MCMBP: variants seen among roughly 807,000 people sequenced by gnomAD.
MCMBP encodes mini-chromosome maintenance complex-binding protein.
MCMBP carries 31 observed loss-of-function variants against 81.3 expected under a neutral mutation model. That is an observed-to-expected ratio of 0.38 (90% confidence interval 0.29 to 0.51). The LOEUF (loss-of-function observed/expected upper bound fraction) is 0.51. MCMBP is among the 20% of genes least tolerant of loss of function. MCMBP has a pLI of 0.87. For synonymous variants in MCMBP, 267 were observed against 275.9 expected (o/e 0.97, Z 0.32); for missense variants, 645 against 772.1 (o/e 0.84, Z 1.95).
rs370370772 is a variant in MCMBP, at chr10:119,847,483, G to C, written c.827+130C>G. 1.8e-5 allele frequency: 9 copies of C among 510,710 alleles called. No individual in the cohort carries two copies. In the South Asian group the frequency reaches 3.0e-4, roughly 17 times the overall value. 31.6% of individuals were successfully genotyped at this position (510,710 alleles called of 1,614,324 possible). On this transcript the variant is annotated intron_variant, in intron 8 of 15. Coordinates refer to ENST00000369077, the MANE Select transcript of MCMBP (RefSeq NM_001256378.2). ...AAATGAATGACAAAACACATGGGGT[G>C]CAAGTGTTTACAACTGGTACATCTG...
intron 14 of MCMBP, among the ~76,000 whole-genome samples, chr10:119,833,053 TGTTGAACTGAGG>T: frequency 6.6e-6 from 1 of 152,230 alleles, no homozygotes; most frequent in East Asian, 1.9e-4. Flanking sequence ...CATGGCTAAG[TGTTGAACTGAGG>T]GCTTGCCCCA....
At chr10:119,859,275 TACACACACACACACAC>T (rs34034506) in intron 2 of MCMBP, 94 bp from the exon 3 acceptor site, 16 of 615,830 alleles carry the variant, frequency 2.6e-5, no homozygotes, top group South Asian at 1.3e-4. Context: ...CTCAAACTGT[TACACACACACACACAC>T]ACACACACAC....
chr10:119,853,449 G>A (rs1415406040), intron 5 of MCMBP, among the ~76,000 whole-genome samples: 2 of 152,158 alleles, frequency 1.3e-5, no homozygotes, highest in Non-Finnish European at 2.9e-5. Flanking sequence ...TGGACAACAG[G>A]GAGCATAAGG....
At chr10:119,847,915 T>C (rs2420645) in intron 7 of MCMBP, among the ~76,000 whole-genome samples, 44 of 152,010 alleles carry the variant, frequency 2.9e-4, no homozygotes, top group African/African-American at 1.1e-3. Context: ...ACAGGATGCC[T>C]AACTTCCAGA....
At chr10:119,852,637 C>T (rs1852874573) in intron 6 of MCMBP, among the ~76,000 whole-genome samples, 1 of 152,204 alleles carries the variant, frequency 6.6e-6, no homozygotes, top group Non-Finnish European at 1.5e-5. Context: ...ATGATTATGC[C>T]ACTGCACTCT....
intron 8 of MCMBP, among the ~76,000 whole-genome samples, chr10:119,844,271 G>C (rs896676102): frequency 2.6e-5 from 4 of 152,196 alleles, no homozygotes; most frequent in Non-Finnish European, 5.9e-5. Flanking sequence ...TAAATCTGCA[G>C]ATGATAGATT....
At chr10:119,871,343 A>ATT (rs1158096426) in intron 1 of MCMBP, among the ~76,000 whole-genome samples, 2 of 145,492 alleles carry the variant, frequency 1.4e-5, no homozygotes, top group African/African-American at 5.0e-5. Context: ...TATATAGTGA[A>ATT]TTTTTTTTTT....
intron 7 of MCMBP, among the ~76,000 whole-genome samples, chr10:119,848,299 T>C (rs1046746619): frequency 3.3e-5 from 5 of 152,104 alleles, no homozygotes; most frequent in African/African-American, 9.7e-5. Context: ...GCCATATGAC[T>C]TAAGTGTCAT....
rs1284100421 is a variant in MCMBP at position 119,850,874 on chromosome 10, G to GTTTTTTTTTTTTTTTTTTTTTTT, written c.575-1299_575-1298insAAAAAAAAAAAAAAAAAAAAAAA. 1.3e-4 allele frequency among the ~76,000 whole-genome samples: 17 copies of GTTTTTTTTTTTTTTTTTTTTTTT among 130,546 alleles called. 1 individual carries two copies. Among genetic ancestry groups the GTTTTTTTTTTTTTTTTTTTTTTT allele is most frequent in the Non-Finnish European group, 2.3e-4 (14 of 60,730 alleles). 85.6% of individuals were successfully genotyped at this position (130,546 alleles called of 152,430 possible). ...AGAGGCTAAAAGGTATACAAGATCT[G>GTTTTTTTTTTTTTTTTTTTTTTT]TTTTTTTTTTTTTTTTTTGAGACAG... On this transcript the variant is annotated intron_variant, in intron 6 of 15. Transcript: ENST00000369077.
At chr10:119,870,359 A>C (rs1433102552) in intron 1 of MCMBP, among the ~76,000 whole-genome samples, 1 of 152,122 alleles carries the variant, frequency 6.6e-6, no homozygotes, top group Non-Finnish European at 1.5e-5. Flanking sequence ...GGGCAGGAGA[A>C]TCGCTTCAAC....
At chr10:119,858,808 A>T in intron 4 of MCMBP, 76 bp downstream of exon 4, 1 of 1,047,346 alleles carries the variant, frequency 9.5e-7, no homozygotes, top group Non-Finnish European at 1.4e-6. Flanking sequence ...AAATAAATTT[A>T]AGATTAGCTA....
At chr10:119,836,701 G>T (rs1852253657) in intron 13 of MCMBP, among the ~76,000 whole-genome samples, 195 bp downstream of exon 13, 1 of 148,098 alleles carries the variant, frequency 6.8e-6, no homozygotes, top group East Asian at 2.0e-4. Flanking sequence ...GTAGATGTAA[G>T]GTTTTCATCC....
intron 4 of MCMBP, chr10:119,858,020 GTTTTTC>G (rs1266270334): frequency 6.6e-6 from 1 of 152,220 alleles, no homozygotes; most frequent in Non-Finnish European, 1.5e-5. Flanking sequence ...CTTCAGGTCT[GTTTTTC>G]TTTTAGAGTG....
intron 2 of MCMBP, among the ~76,000 whole-genome samples, 193 bp downstream of exon 2, chr10:119,859,606 G>A (rs1178041790): frequency 2.6e-5 from 4 of 151,958 alleles, no homozygotes; most frequent in South Asian, 2.1e-4. Flanking sequence ...GCCACCTAGA[G>A]GCATAATGTA....
intron 5 of MCMBP, among the ~76,000 whole-genome samples, chr10:119,855,773 A>T (rs1853017847): frequency 6.6e-6 from 1 of 152,212 alleles, no homozygotes; most frequent in Non-Finnish European, 1.5e-5. Flanking sequence ...GAAGTGAAAA[A>T]TAGACTAACA....
intron 15 of MCMBP, 44 bp from the exon 16 acceptor site, chr10:119,831,644 A>T (rs1435127560): frequency 6.3e-7 from 1 of 1,595,334 alleles, no homozygotes. Context: ...GAGCTGGGAT[A>T]GTAAGTTTTA....
chr10:119,843,239 AACACTT>A lies in MCMBP; in HGVS notation c.1000+9_1000+14del, dbSNP rs1482194206. The A allele has an allele frequency of 3.1e-6, 5 of 1,613,078 alleles. No homozygotes were observed. Among genetic ancestry groups the A allele is most frequent in the Non-Finnish European group, 2.5e-6 (3 of 1,179,462 alleles). ...AACAGTCGATAGTTGACTAGGCTGT[AACACTT>A]ACACTTACAGGTTTTGCTCTCCTCT... On this transcript the variant is annotated intron_variant, in intron 9 of 15. Coordinates refer to ENST00000369077, the MANE Select transcript of MCMBP (RefSeq NM_001256378.2).
intron 10 of MCMBP, 63 bp from the exon 11 acceptor site, chr10:119,841,023 C>T (rs780156221): frequency 2.3e-5 from 22 of 940,334 alleles, no homozygotes; most frequent in Non-Finnish European, 2.4e-5. Context: ...TATCAAATAG[C>T]GAAGAATAGA....
chr10:119,870,898 T>C (rs913384161), intron 1 of MCMBP, among the ~76,000 whole-genome samples: 4 of 152,236 alleles, frequency 2.6e-5, no homozygotes, highest in Non-Finnish European at 4.4e-5. Context: ...CCACATAATT[T>C]ATAAAATACT....
Sources: allele counts gnomAD v4.1 joint callset (sites outside exome capture counted in the v4.1 genomes callset), GRCh38; gene constraint gnomAD v4.1.1; transcripts MANE v1.5; gene names NCBI Gene and HGNC (gene_info 2026-07-23, HGNC 2026-07-21).